Variants in GRM8 observed in about 807,000 individuals in gnomAD.
The protein encoded by GRM8 is glutamate metabotropic receptor 8.
In GRM8, 47 loss-of-function variants were observed where a neutral mutation model predicts 87.2. The observed-to-expected ratio is 0.54, with a 90% CI of 0.43 to 0.69. The LOEUF (loss-of-function observed/expected upper bound fraction) is 0.69. Among genes scored for constraint, GRM8 ranks in the 30% least tolerant of loss-of-function variants. The probability of loss-of-function intolerance (pLI) is 0.00; values close to 1 mark genes in which losing one functional copy is unlikely to be tolerated. For synonymous variants in GRM8, 396 were observed against 404.5 expected, an observed-to-expected ratio of 0.98 and a Z score of 0.25; for missense variants, 1,019 against 1,139.2, an observed-to-expected ratio of 0.89 and a Z score of 1.52.
At chr7:126,752,683 G>C (rs751280259) in intron 7 of GRM8, among the ~76,000 whole-genome samples, 8 of 151,954 alleles carry the variant, frequency 5.3e-5, no homozygotes, top group Non-Finnish European at 1.0e-4. Context: ...TAGCACAAAG[G>C]GCTCTGACTC....
intron 2 of GRM8, among the ~76,000 whole-genome samples, chr7:127,131,621 G>A (rs1827696898): frequency 6.6e-6 from 1 of 151,996 alleles, no homozygotes; most frequent in African/African-American, 2.4e-5. Flanking sequence ...ACAGTCCCAA[G>A]TTCCTAATTT....
chr7:126,876,602 A>C (rs187439680), intron 6 of GRM8, among the ~76,000 whole-genome samples: 45 of 152,306 alleles, frequency 3.0e-4, no homozygotes, highest in Admixed American at 6.5e-4. Context: ...TGTGCTGTGC[A>C]AGAAAAACAA....
intron 2 of GRM8, among the ~76,000 whole-genome samples, chr7:127,114,419 A>T (rs1826576567): frequency 6.6e-6 from 1 of 152,150 alleles, no homozygotes; most frequent in African/African-American, 2.4e-5. Context: ...CTTTACATAC[A>T]CACCTGCACA....
intron 3 of GRM8, among the ~76,000 whole-genome samples, chr7:127,071,510 G>A (rs943139736): frequency 1.3e-5 from 2 of 152,180 alleles, no homozygotes; most frequent in Non-Finnish European, 2.9e-5. Flanking sequence ...ACCACTTAGA[G>A]CTACGTTCTC....
chr7:127,008,681 T>C (rs1814564616), intron 3 of GRM8, among the ~76,000 whole-genome samples: 1 of 152,096 alleles, frequency 6.6e-6, no homozygotes. Flanking sequence ...TTTAAGTCAA[T>C]TAGTAGTACA....
chr7:127,126,427 T>C (rs1447371770), intron 2 of GRM8, among the ~76,000 whole-genome samples: 2 of 151,870 alleles, frequency 1.3e-5, no homozygotes, highest in Non-Finnish European at 2.9e-5. Flanking sequence ...AGTTAAATAA[T>C]GTGTACACAC....
chr7:126,779,413 G>C (rs1467528672), intron 6 of GRM8, among the ~76,000 whole-genome samples: 1 of 151,810 alleles, frequency 6.6e-6, no homozygotes, highest in Non-Finnish European at 1.5e-5. Context: ...ATTATTATGT[G>C]TTTATGTTAT....
intron 2 of GRM8, among the ~76,000 whole-genome samples, chr7:127,234,680 C>A (rs1227859083): frequency 1.3e-5 from 2 of 152,218 alleles, no homozygotes; most frequent in African/African-American, 2.4e-5. Flanking sequence ...AGACCCCACC[C>A]CGGGCCTCCC....
intron 2 of GRM8, among the ~76,000 whole-genome samples, chr7:127,107,346 C>A (rs1825905019): frequency 6.6e-6 from 1 of 152,188 alleles, no homozygotes; most frequent in Non-Finnish European, 1.5e-5. Context: ...CCCTTCAAAA[C>A]ATCACAGAAA....
At chr7:126,976,612 A>AC (rs1282702625) in intron 3 of GRM8, among the ~76,000 whole-genome samples, 6 of 152,186 alleles carry the variant, frequency 3.9e-5, no homozygotes, top group African/African-American at 1.4e-4. Context: ...AACAACAACA[A>AC]AAAAAACGAA....
At chr7:127,061,496 T>C (rs1376780670) in intron 3 of GRM8, among the ~76,000 whole-genome samples, 1 of 152,240 alleles carries the variant, frequency 6.6e-6, no homozygotes, top group Non-Finnish European at 1.5e-5. Context: ...TATTTTCCCA[T>C]GGTTACTAGG....
chr7:126,715,608 C>T (rs975165291), intron 7 of GRM8, among the ~76,000 whole-genome samples: 1 of 152,024 alleles, frequency 6.6e-6, no homozygotes, highest in Non-Finnish European at 1.5e-5. Flanking sequence ...TGTGAATTAT[C>T]TCAAATTGTC....
intron 7 of GRM8, among the ~76,000 whole-genome samples, chr7:126,730,163 A>G (rs1004079220): frequency 3.9e-5 from 6 of 152,184 alleles, no homozygotes; most frequent in African/African-American, 1.4e-4. Flanking sequence ...TCATGGAACT[A>G]GGAAGATTAG....
chr7:126,748,451 C>T (rs904769473), intron 7 of GRM8, among the ~76,000 whole-genome samples: 3 of 151,624 alleles, frequency 2.0e-5, no homozygotes, highest in Non-Finnish European at 1.5e-5. Context: ...TACCTACATG[C>T]TGCAAATTTA....
intron 8 of GRM8, among the ~76,000 whole-genome samples, chr7:126,578,892 C>T (rs181237811): frequency 6.6e-6 from 1 of 152,072 alleles, no homozygotes; most frequent in Non-Finnish European, 1.5e-5. Flanking sequence ...CCATCCTGGC[C>T]TCATCCATTT....
At chr7:127,069,162 T>C (rs925003607) in intron 3 of GRM8, among the ~76,000 whole-genome samples, 2 of 152,218 alleles carry the variant, frequency 1.3e-5, no homozygotes, top group African/African-American at 4.8e-5. Context: ...ACCATTATTT[T>C]ATTTTTATTT....
intron 3 of GRM8, among the ~76,000 whole-genome samples, chr7:127,036,045 A>T (rs1817813397): frequency 6.6e-6 from 1 of 152,184 alleles, no homozygotes; most frequent in African/African-American, 2.4e-5. Flanking sequence ...CGCCTCAAAG[A>T]TTATGAAGCC....
intron 7 of GRM8, among the ~76,000 whole-genome samples, chr7:126,754,950 A>G (rs1197912222): frequency 1.6e-5 from 2 of 121,628 alleles, no homozygotes; most frequent in African/African-American, 5.6e-5. Flanking sequence ...CAATAATGCT[A>G]AAAAGAAAAA....
intron 9 of GRM8, among the ~76,000 whole-genome samples, chr7:126,510,950 T>C (rs1414481259): frequency 2.0e-5 from 3 of 152,138 alleles, no homozygotes; most frequent in African/African-American, 7.2e-5. Context: ...GGCCTTGGAC[T>C]CATTAGCGCC....
Sources: gnomAD v4.1 joint callset for allele counts (sites outside exome capture counted in the v4.1 genomes callset) on GRCh38, gnomAD v4.1.1 for gene constraint, MANE v1.5 for transcripts, NCBI Gene and HGNC (gene_info 2026-07-23, HGNC 2026-07-21) for gene names.